RHEX: variants seen among roughly 807,000 people sequenced by gnomAD.
RHEX encodes the protein regulator of hemoglobinization and erythroid cell expansion, also known as regulator of hemoglobinization and erythroid cell expansion protein.
In RHEX, 18 loss-of-function variants were observed where a neutral mutation model predicts 20.1. The ratio of observed to expected loss-of-function variants is 0.90; its 90% CI spans 0.62 to 1.33. The LOEUF (loss-of-function observed/expected upper bound fraction) is 1.33, where lower values mean the gene tolerates loss of function less well. Ranked by LOEUF, RHEX falls within the 40% of genes most tolerant of loss-of-function variation. The probability of loss-of-function intolerance (pLI) is 0.00; values close to 1 mark genes in which losing one functional copy is unlikely to be tolerated. For synonymous variants in RHEX, 87 were observed against 77.1 expected (o/e 1.13, Z -0.67); for missense variants, 192 against 214.3 (o/e 0.90, Z 0.65).
chr1:206,056,181 T>G (rs1294296635), intron 1 of RHEX, among the ~76,000 whole-genome samples: 2 of 151,856 alleles, frequency 1.3e-5, no homozygotes, highest in African/African-American at 4.9e-5. Context: ...GGACTCAGTT[T>G]ATTCTAGTGG....
At chr1:206,083,606 C>T (rs1662779259) in intron 1 of RHEX, 5 of 985,270 alleles carry the variant, frequency 5.1e-6, no homozygotes, top group Non-Finnish European at 6.0e-6. Flanking sequence ...GTTAGGACAT[C>T]GCTGAAACAC....
At position 206,088,854 on chromosome 1, in the gene RHEX, G is replaced by A. The variant is rs999124770; in HGVS notation, c.-96-8879G>A. ...TTTTTTTTTTGAGACAGGGTCTCAC[G>A]TTGTCGCCCAGGCTGGAGTGCAGTG... On this transcript the variant is annotated intron_variant, in intron 1 of 5. Coordinates refer to ENST00000331555, the MANE Select transcript of RHEX (RefSeq NM_001007544.4). Among the ~76,000 whole-genome samples, 5 of 151,592 alleles carry A rather than the reference G, an allele frequency of 3.3e-5. No homozygotes were observed. In the South Asian group the frequency reaches 6.3e-4, roughly 19 times the overall value.
chr1:206,054,186 T>A (rs1440751452), intron 1 of RHEX, among the ~76,000 whole-genome samples: 1 of 151,256 alleles, frequency 6.6e-6, no homozygotes, highest in Non-Finnish European at 1.5e-5. Context: ...ATATGGTAAA[T>A]TCTTGTCCTG....
chr1:206,092,587 T>G (rs74144317), intron 1 of RHEX, among the ~76,000 whole-genome samples: 4 of 152,224 alleles, frequency 2.6e-5, no homozygotes, highest in Non-Finnish European at 4.4e-5. Context: ...CCATATGGAA[T>G]CAATTTTGTT....
intron 1 of RHEX, among the ~76,000 whole-genome samples, chr1:206,055,084 C>T (rs191259687): frequency 6.6e-6 from 1 of 152,392 alleles, no homozygotes; most frequent in East Asian, 1.9e-4. Flanking sequence ...GGTGGTCCTC[C>T]AGTTGACCAG....
intron 1 of RHEX, among the ~76,000 whole-genome samples, chr1:206,095,135 T>C (rs1405640696): frequency 6.6e-6 from 1 of 151,754 alleles, no homozygotes; most frequent in East Asian, 1.9e-4. Flanking sequence ...CGAGAAACAC[T>C]GATCAAGGGC....
intron 1 of RHEX, among the ~76,000 whole-genome samples, chr1:206,082,235 C>T (rs781858564): frequency 6.6e-5 from 10 of 152,020 alleles, no homozygotes; most frequent in Non-Finnish European, 1.5e-4. Context: ...ATGTTAATAG[C>T]GGCTGGGCGC....
At chr1:206,076,757 G>A (rs1261851393) in intron 1 of RHEX, among the ~76,000 whole-genome samples, 3 of 152,190 alleles carry the variant, frequency 2.0e-5, no homozygotes, top group Non-Finnish European at 4.4e-5. Context: ...TGTGGGTGTG[G>A]AAGGTTTTCA....
chr1:206,077,336 A>G (rs1370398431), intron 1 of RHEX, among the ~76,000 whole-genome samples: 2 of 152,228 alleles, frequency 1.3e-5, no homozygotes, highest in Non-Finnish European at 2.9e-5. Flanking sequence ...AGTGTATGTC[A>G]AAGAAGTTTT....
chr1:206,057,031 C>A (rs2102302313), intron 1 of RHEX, among the ~76,000 whole-genome samples: 1 of 152,344 alleles, frequency 6.6e-6, no homozygotes, highest in East Asian at 1.9e-4. Context: ...AAATATGTAA[C>A]ATTAGGCATT....
rs1026157138 is a variant in RHEX at position 206,084,792 on chromosome 1, G to A, written c.-96-12941G>A. Among the ~76,000 whole-genome samples the A allele has an allele frequency of 3.9e-5, 6 of 152,210 alleles. No individual in the cohort carries two copies. In the East Asian group the frequency reaches 5.8e-4, roughly 15 times the overall value. On this transcript the variant is annotated intron_variant, in intron 1 of 5. Coordinates refer to ENST00000331555, the MANE Select transcript of RHEX (RefSeq NM_001007544.4). ...AATTGTTACGAATTTAAAGATGACA[G>A]CCACAAAGCATCAGGCCAATCATGG...
At chr1:206,063,102 C>G (rs1163630810) in intron 1 of RHEX, among the ~76,000 whole-genome samples, 1 of 152,018 alleles carries the variant, frequency 6.6e-6, no homozygotes, top group Non-Finnish European at 1.5e-5. Flanking sequence ...GACATTTGAC[C>G]TAAAAGAAAG....
rs571748663 is a variant in RHEX at position 206,088,572 on chromosome 1, A to G, written c.-96-9161A>G. Among the ~76,000 whole-genome samples, 16 of 152,204 alleles carry G rather than the reference A, an allele frequency of 1.1e-4. No individual in the cohort carries two copies. The East Asian group carries it at 2.9e-3, about 28-fold the overall frequency. On this transcript the variant is annotated intron_variant, in intron 1 of 5. Coordinates refer to ENST00000331555, the MANE Select transcript of RHEX (RefSeq NM_001007544.4). ...GTGCTGCACACCTGTAATCCCAGCTACTCGGGAGGCTGAGGCAGTAGAATT... is the reference window on the plus strand; with the variant it reads ...GTGCTGCACACCTGTAATCCCAGCTGCTCGGGAGGCTGAGGCAGTAGAATT...
intron 1 of RHEX, among the ~76,000 whole-genome samples, chr1:206,089,180 A>G (rs2102324020): frequency 6.6e-6 from 1 of 151,794 alleles, no homozygotes; most frequent in Non-Finnish European, 1.5e-5. Flanking sequence ...AATTAGTTGT[A>G]CTTTTTTTTT....
chr1:206,092,038 TTCTTTCTC>T (rs1662960865), intron 1 of RHEX, among the ~76,000 whole-genome samples: 2 of 149,690 alleles, frequency 1.3e-5, no homozygotes, highest in Admixed American at 1.3e-4. Flanking sequence ...TTATTTCTCT[TTCTTTCTC>T]TCTTTCTCTC....
chr1:206,094,480 C>T (rs28551097), intron 1 of RHEX, among the ~76,000 whole-genome samples: 2,385 of 152,200 alleles, frequency 0.016, 81 homozygotes, highest in African/African-American at 0.055. Flanking sequence ...CTGAGTGCCT[C>T]GTATATGCCT....
intron 1 of RHEX, among the ~76,000 whole-genome samples, chr1:206,057,425 A>T (rs986125049): frequency 6.6e-6 from 1 of 152,282 alleles, no homozygotes; most frequent in African/African-American, 2.4e-5. Flanking sequence ...CCTGTAGGGC[A>T]GCTTAGTTGT....
At chr1:206,089,005 G>A (rs1177323571) in intron 1 of RHEX, among the ~76,000 whole-genome samples, 8 of 151,456 alleles carry the variant, frequency 5.3e-5, no homozygotes, top group African/African-American at 1.9e-4. Context: ...CCCATCTCCT[G>A]TTTCCCTCAA....
At chr1:206,076,480 A>G (rs1662638952) in intron 1 of RHEX, among the ~76,000 whole-genome samples, 1 of 152,208 alleles carries the variant, frequency 6.6e-6, no homozygotes. Context: ...GACATCTTTT[A>G]TGCTTGGTTT....
Sources: allele counts gnomAD v4.1 joint callset (sites outside exome capture counted in the v4.1 genomes callset), GRCh38; gene constraint gnomAD v4.1.1; transcripts MANE v1.5; gene names NCBI Gene and HGNC (gene_info 2026-07-23, HGNC 2026-07-21).